Variants in KDM3B observed in about 807,000 individuals in gnomAD.
KDM3B encodes lysine demethylase 3B, also known as lysine-specific demethylase 3B.
A neutral mutation model predicts 170.0 loss-of-function variants in KDM3B; 10 were observed. The observed-to-expected ratio is 0.06, with a 90% CI of 0.04 to 0.10. The LOEUF (loss-of-function observed/expected upper bound fraction) is 0.10. KDM3B is among the 10% of genes least tolerant of loss of function. KDM3B has a pLI of 1.00. For synonymous variants in KDM3B, 831 were observed against 834.8 expected (o/e 1.00, Z 0.08); for missense variants, 1,394 against 2,195.2 (o/e 0.64, Z 7.29).
At chr5:138,402,928 C>T (rs1168007622) in intron 11 of KDM3B, among the ~76,000 whole-genome samples, 2 of 152,210 alleles carry the variant, frequency 1.3e-5, no homozygotes, top group African/African-American at 2.4e-5. Flanking sequence ...TCTACAGAGA[C>T]AGCCCCTTGG....
intron 11 of KDM3B, among the ~76,000 whole-genome samples, chr5:138,411,002 G>A (rs969695070): frequency 9.2e-5 from 14 of 152,160 alleles, no homozygotes; most frequent in African/African-American, 1.7e-4. Flanking sequence ...GGATAACTGC[G>A]GGCAAGCCTG....
intron 1 of KDM3B, among the ~76,000 whole-genome samples, chr5:138,362,462 T>C (rs1382172080): frequency 2.6e-5 from 4 of 151,686 alleles, no homozygotes; most frequent in Non-Finnish European, 4.4e-5. Context: ...TTGATTTTTT[T>C]TTCCCAAAAA....
intron 13 of KDM3B, among the ~76,000 whole-genome samples, chr5:138,418,569 A>G (rs192081926): frequency 1.2e-4 from 19 of 152,360 alleles, no homozygotes; most frequent in Non-Finnish European, 1.8e-4. Flanking sequence ...AAAAATCAGT[A>G]AGAGTAATAA....
At chr5:138,417,728 T>C (rs1338270449) in intron 13 of KDM3B, 118 bp downstream of exon 13, 7 of 1,013,446 alleles carry the variant, frequency 6.9e-6, no homozygotes, top group African/African-American at 1.6e-5. Context: ...AATCAGGAGA[T>C]GGAGAAGCCT....
chr5:138,380,322 A>C (rs1292026004), intron 5 of KDM3B, among the ~76,000 whole-genome samples: 1 of 148,788 alleles, frequency 6.7e-6, no homozygotes, highest in Non-Finnish European at 1.5e-5. Context: ...TATATGATAT[A>C]TATGAGTTAT....
At position 138,435,884 on chromosome 5, in the gene KDM3B, G is replaced by A. The variant is rs1384858420; in HGVS notation, c.*184G>A. 14 of 593,002 alleles carry A rather than the reference G, an allele frequency of 2.4e-5. No homozygotes were observed. The highest frequency in any genetic ancestry group is 3.6e-5 in the Non-Finnish European group (12 of 331,956). 36.7% of individuals were successfully genotyped at this position (593,002 alleles called of 1,614,324 possible). A position where few individuals can be genotyped will look rare whatever the true frequency, so the allele number is the denominator to read the frequency against. On this transcript the variant is annotated 3_prime_UTR_variant, in exon 24 of 24. Coordinates refer to ENST00000314358, the MANE Select transcript of KDM3B (RefSeq NM_016604.4). The stretch of plus-strand genomic sequence containing the variant: ...CACTGAAGGTTGACACAGGAAAGTC[G>A]TACTGTTCACACACACAGTTTGAGA...
In KDM3B at chr5:138,391,643, G is replaced by A. The variant is rs764157706; in HGVS notation, c.2011G>A (p.Ala671Thr). The change falls in exon 8 of 24, where the codon GCA becomes ACA. Residue 671 changes from alanine to threonine, a missense_variant. Physicochemically the swap from Ala to Thr is moderately conservative, Grantham distance 58 (BLOSUM62 0). Around this residue, in one of 19 missense-constraint regions of KDM3B, gnomAD observed 294 missense variants for 311.7 expected, o/e 0.94. Coordinates refer to ENST00000314358, the MANE Select transcript of KDM3B (RefSeq NM_016604.4). This position sits in a 1 kb window ranked among gnomAD's most constrained non-coding sequence, Gnocchi z 5.0. Reference sequence around the variant, plus strand: ...TGCTACCACTGTCACCTCCAAGGTGGCACCCAGCTGGCCCGAGTCTCACTC... The same window carrying A: ...TGCTACCACTGTCACCTCCAAGGTGACACCCAGCTGGCCCGAGTCTCACTC... ...SSATTVTSKV[A>T]PSWPESHSSA... The A allele has an allele frequency of 6.8e-6, 11 of 1,613,928 alleles. No individual in the cohort carries two copies. The highest frequency in any genetic ancestry group is 4.4e-5 in the South Asian group (4 of 91,082).
rs1218143285 is a variant in KDM3B, at chr5:138,358,426, C to T, written c.192+5439C>T. Among the ~76,000 whole-genome samples, 3 of 149,652 alleles carry T rather than the reference C, an allele frequency of 2.0e-5. No individual in the cohort carries two copies. In the East Asian group the frequency reaches 6.0e-4, roughly 30 times the overall value. On this transcript the variant is annotated intron_variant, in intron 1 of 23. Coordinates refer to ENST00000314358, the MANE Select transcript of KDM3B (RefSeq NM_016604.4). ...TTCAAGTGATTCTCCTGCCTCCAGT[C>T]CCAGTAGCTGAGATTACAGGCGTGC...
chr5:138,373,685 A>G (rs920710208), intron 2 of KDM3B, among the ~76,000 whole-genome samples: 4 of 151,964 alleles, frequency 2.6e-5, no homozygotes, highest in African/African-American at 9.7e-5. Context: ...GTTGCTCATC[A>G]TGTTGCCTAG....
At chr5:138,385,126 A>T (rs1457014274) in intron 6 of KDM3B, among the ~76,000 whole-genome samples, 3 of 151,738 alleles carry the variant, frequency 2.0e-5, no homozygotes, top group Admixed American at 2.0e-4. Flanking sequence ...GGTTCAAGTG[A>T]TTCTCCTGCA....
intron 11 of KDM3B, among the ~76,000 whole-genome samples, chr5:138,411,543 A>G (rs2126979045): frequency 6.6e-6 from 1 of 152,178 alleles, no homozygotes; most frequent in African/African-American, 2.4e-5. Context: ...ACCATATACA[A>G]AATACTAACT....
chr5:138,362,135 C>T (rs1761624308), intron 1 of KDM3B, among the ~76,000 whole-genome samples: 1 of 152,060 alleles, frequency 6.6e-6, no homozygotes, highest in Non-Finnish European at 1.5e-5. Flanking sequence ...GTCTGGCCGA[C>T]ATGACAAAAC....
At chr5:138,401,332 C>T (rs1762690205) in intron 11 of KDM3B, among the ~76,000 whole-genome samples, 1 of 150,774 alleles carries the variant, frequency 6.6e-6, no homozygotes. Context: ...AGCTAAGTAA[C>T]TTGCTAAACA....
intron 8 of KDM3B, among the ~76,000 whole-genome samples, chr5:138,392,943 C>T (rs1030334952): frequency 6.6e-6 from 1 of 152,162 alleles, no homozygotes; most frequent in African/African-American, 2.4e-5. Flanking sequence ...AGTTGTTTTG[C>T]CATAGTGGGG....
intron 19 of KDM3B, 39 bp downstream of exon 19, chr5:138,427,358 G>C (rs1034646700): frequency 1.3e-6 from 2 of 1,586,892 alleles, no homozygotes; most frequent in Admixed American, 1.7e-5. Flanking sequence ...TTGGGGGACT[G>C]TTGTTCTTAT....
chr5:138,393,493 G>T (rs1187529709), intron 9 of KDM3B, 121 bp downstream of exon 9: 8 of 782,690 alleles, frequency 1.0e-5, no homozygotes, highest in Non-Finnish European at 1.7e-5. Flanking sequence ...CAACTCCTTT[G>T]CTCTCAGCGT....
chr5:138,392,236 C>T lies in KDM3B; in HGVS notation c.2604C>T (p.Gly868=). 1 of 1,502,154 alleles carries T rather than the reference C, an allele frequency of 6.7e-7. No homozygotes were observed. The highest frequency in any genetic ancestry group is 8.9e-7 in the Non-Finnish European group (1 of 1,124,574). 93.1% of individuals were successfully genotyped at this position (1,502,154 alleles called of 1,614,324 possible). The change falls in exon 8 of 24, where the codon GGC becomes GGT. Residue 868 remains glycine, a synonymous_variant. Transcript: ENST00000314358. ...GKSKGKQAPK[G]RPRTAPLKVG... is the part of the protein sequence containing the mutation. ...GCAAAGGGAAGCAGGCCCCCAAGGG[C>T]CGGCCTCGGACTGCCCCCCTGAAAG...
At chr5:138,375,629 C>A (rs912627442) in intron 3 of KDM3B, among the ~76,000 whole-genome samples, 1 of 152,124 alleles carries the variant, frequency 6.6e-6, no homozygotes. Flanking sequence ...CCGCCCGCCT[C>A]GGCCTCCCAA....
rs116985489 is a variant in KDM3B, at chr5:138,355,573, C to T, written c.192+2586C>T. Among the ~76,000 whole-genome samples, 15 of 152,306 alleles carry T rather than the reference C, an allele frequency of 9.8e-5. No individual in the cohort carries two copies. The East Asian group carries it at 2.9e-3, about 29-fold the overall frequency. On this transcript the variant is annotated intron_variant, in intron 1 of 23. Transcript: ENST00000314358. ...AGCCAAGGCATGAAAACAGCTTTTC[C>T]CCCACTTTCTAGTGGAATAGTAATT... is the stretch of plus-strand genomic sequence containing the variant.
Sources: gnomAD v4.1 joint callset for allele counts (sites outside exome capture counted in the v4.1 genomes callset) on GRCh38, gnomAD v4.1.1 for gene constraint, gnomAD v4.1.1 regional missense constraint, Gnocchi (gnomAD v3.1) non-coding constraint, MANE v1.5 for transcripts, NCBI Gene and HGNC (gene_info 2026-07-23, HGNC 2026-07-21) for gene names.